The following CSMD2 variants were observed in gnomAD, a reference collection of about 807,000 sequenced individuals.
CSMD2 encodes CUB and Sushi multiple domains 2.
Under a neutral mutation model 398.5 loss-of-function variants are expected in CSMD2, and 130 were observed. The ratio of observed to expected loss-of-function variants is 0.33; its 90% CI spans 0.28 to 0.38. CSMD2 has a LOEUF of 0.38. Ranked by LOEUF, CSMD2 falls within the 10% of genes least tolerant of loss-of-function variation. The pLI is 1.00. For synonymous variants in CSMD2, 1,828 were observed against 1,908.5 expected, an observed-to-expected ratio of 0.96 and a Z score of 1.10; for missense variants, 3,829 against 4,764.9, an observed-to-expected ratio of 0.80 and a Z score of 5.78.
At chr1:33,859,681 G>A (rs989737528) in intron 5 of CSMD2, among the ~76,000 whole-genome samples, 2 of 152,238 alleles carry the variant, frequency 1.3e-5, no homozygotes, top group Admixed American at 6.5e-5. Flanking sequence ...GAAGGGGCAG[G>A]AGGGGGATGA....
intron 3 of CSMD2, among the ~76,000 whole-genome samples, chr1:34,027,610 T>A (rs546675187): frequency 2.0e-5 from 3 of 152,252 alleles, no homozygotes; most frequent in Admixed American, 1.3e-4. Flanking sequence ...ACTGGTTAGA[T>A]AACTATGGTA....
intron 27 of CSMD2, among the ~76,000 whole-genome samples, chr1:33,652,882 GC>G (rs1643838170): frequency 6.6e-6 from 1 of 152,104 alleles, no homozygotes; most frequent in Non-Finnish European, 1.5e-5. Context: ...AGCCTCCCAA[GC>G]AGCTGGGACT....
chr1:34,020,936 T>A (rs756985717), intron 3 of CSMD2, among the ~76,000 whole-genome samples: 23 of 152,108 alleles, frequency 1.5e-4, no homozygotes, highest in Non-Finnish European at 2.6e-4. Context: ...ACAACTCCTA[T>A]CATGTAACGG....
chr1:34,024,685 C>T (rs762688458), intron 3 of CSMD2, among the ~76,000 whole-genome samples: 15 of 152,166 alleles, frequency 9.9e-5, no homozygotes, highest in Non-Finnish European at 1.8e-4. Flanking sequence ...CCCTCCTGAG[C>T]GGAGGAAATG....
chr1:33,845,889 G>A (rs940081867), intron 6 of CSMD2, among the ~76,000 whole-genome samples: 1 of 152,256 alleles, frequency 6.6e-6, no homozygotes, highest in Non-Finnish European at 1.5e-5. Context: ...GCTACCTTGA[G>A]GGTGAGCCAG....
intron 6 of CSMD2, among the ~76,000 whole-genome samples, chr1:33,830,721 A>T (rs547824908): frequency 2.0e-5 from 3 of 152,362 alleles, no homozygotes; most frequent in Admixed American, 1.3e-4. Context: ...CTGAGCTACA[A>T]GAGGAAATTC....
At chr1:33,658,212 C>T in intron 26 of CSMD2, 75 bp from the exon 27 acceptor site, 3 of 1,296,836 alleles carry the variant, frequency 2.3e-6, no homozygotes, top group South Asian at 1.3e-5. Flanking sequence ...GCTCATCACC[C>T]TCACTGATTG....
intron 56 of CSMD2, among the ~76,000 whole-genome samples, chr1:33,547,989 C>T (rs567001172): frequency 3.9e-5 from 6 of 152,336 alleles, no homozygotes; most frequent in Admixed American, 2.0e-4. Context: ...CCTTGCTGTT[C>T]TCGTGATAGT....
Position 34,021,370 on chromosome 1 carries a change from C to G in CSMD2, c.517+11224G>C, listed in dbSNP as rs564377862. ...ACAGGAAGGAGACAGATATGCATGT[C>G]CAGCTACGGTCCCTACCAGAGCAGC... On this transcript the variant is annotated intron_variant, in intron 3 of 70. Coordinates refer to ENST00000373381, the MANE Select transcript of CSMD2 (RefSeq NM_001281956.2). 1.5e-4 allele frequency among the ~76,000 whole-genome samples: 23 copies of G among 152,300 alleles called. No homozygotes were observed. In the South Asian group the frequency reaches 1.9e-3, roughly 12 times the overall value.
intron 5 of CSMD2, among the ~76,000 whole-genome samples, chr1:33,903,178 T>C (rs1478379072): frequency 1.3e-5 from 2 of 152,200 alleles, no homozygotes; most frequent in Non-Finnish European, 2.9e-5. Flanking sequence ...AACACATTTC[T>C]ATTTCTGTGC....
At chr1:33,655,258 C>T (rs1194516041) in intron 27 of CSMD2, among the ~76,000 whole-genome samples, 3 of 152,214 alleles carry the variant, frequency 2.0e-5, no homozygotes, top group African/African-American at 7.2e-5. Flanking sequence ...GACAATGCCA[C>T]TCATTGGCTG....
At chr1:33,707,628 T>A (rs545462868) in intron 22 of CSMD2, among the ~76,000 whole-genome samples, 1 of 151,516 alleles carries the variant, frequency 6.6e-6, no homozygotes, top group Admixed American at 6.6e-5. Flanking sequence ...TCTTCTTGGG[T>A]TCAAAAAGGA....
At chr1:33,923,076 C>CT (rs1644002906) in intron 4 of CSMD2, among the ~76,000 whole-genome samples, 3 of 152,086 alleles carry the variant, frequency 2.0e-5, no homozygotes, top group Non-Finnish European at 4.4e-5. Flanking sequence ...TATCTTGGAG[C>CT]ACTCCCTTAA....
intron 4 of CSMD2, among the ~76,000 whole-genome samples, chr1:33,926,960 G>A (rs181701458): frequency 2.0e-5 from 3 of 152,274 alleles, no homozygotes; most frequent in Admixed American, 1.3e-4. Context: ...GCCAGCTCTA[G>A]GGTACCATCT....
In CSMD2 at chr1:33,678,002, A is replaced by G. The variant is rs554470987; in HGVS notation, c.4053-14910T>C. ...AGGGATAGCATTAGGAGATATACCT[A>G]ATGCTAAATGATGAGTTAATGCGTG... is the stretch of plus-strand genomic sequence containing the variant. On this transcript the variant is annotated intron_variant, in intron 25 of 70. Transcript: ENST00000373381. 1.2e-3 allele frequency among the ~76,000 whole-genome samples: 178 copies of G among 151,264 alleles called. 1 individual carries two copies. Among genetic ancestry groups the G allele is most frequent in the African/African-American group, 4.2e-3 (172 of 41,232 alleles).
rs147836720 is a variant in CSMD2, at chr1:34,128,084, C to T, written c.187+36827G>A. On this transcript the variant is annotated intron_variant, in intron 1 of 70. Coordinates refer to ENST00000373381, the MANE Select transcript of CSMD2 (RefSeq NM_001281956.2). Reference sequence around the variant, plus strand: ...TCCACCTTCTCAGCAATCGGCCTCACCGACGCCCTGACCTCAGTTCTGCTC... The same window carrying T: ...TCCACCTTCTCAGCAATCGGCCTCATCGACGCCCTGACCTCAGTTCTGCTC... 1.8e-3 allele frequency among the ~76,000 whole-genome samples: 268 copies of T among 152,192 alleles called. 1 individual carries two copies. Among genetic ancestry groups the T allele is most frequent in the African/African-American group, 6.1e-3 (252 of 41,510 alleles).
intron 3 of CSMD2, among the ~76,000 whole-genome samples, chr1:33,946,884 C>T (rs561518753): frequency 6.6e-6 from 1 of 152,180 alleles, no homozygotes; most frequent in South Asian, 2.1e-4. Context: ...ATCCACCTGC[C>T]TTAGCCTCCC....
chr1:34,159,310 A>C (rs1229491348), intron 1 of CSMD2, among the ~76,000 whole-genome samples: 2 of 149,120 alleles, frequency 1.3e-5, no homozygotes, highest in Non-Finnish European at 3.0e-5. Context: ...CTAGAAACCA[A>C]GAATGACTTT....
intron 2 of CSMD2, among the ~76,000 whole-genome samples, chr1:34,046,546 T>C (rs1342556045): frequency 2.0e-5 from 3 of 152,106 alleles, no homozygotes; most frequent in African/African-American, 7.2e-5. Flanking sequence ...AATAGACAAA[T>C]ACAGTTGGAT....
Sources: allele counts gnomAD v4.1 joint callset (sites outside exome capture counted in the v4.1 genomes callset), GRCh38; gene constraint gnomAD v4.1.1; transcripts MANE v1.5; gene names NCBI Gene and HGNC (gene_info 2026-07-23, HGNC 2026-07-21).